The following CDH13 variants were observed in gnomAD, a reference collection of about 807,000 sequenced individuals.
CDH13 encodes the protein cadherin-13.
CDH13 carries 24 observed loss-of-function variants against 63.8 expected under a neutral mutation model. The observed-to-expected ratio is 0.38, with a 90% CI of 0.27 to 0.53. CDH13 has a LOEUF of 0.53. Among genes scored for constraint, CDH13 ranks in the 20% least tolerant of loss-of-function variants. The pLI is 0.85. For synonymous variants in CDH13, 503 were observed against 355.3 expected (o/e 1.42, Z -4.67); for missense variants, 1,049 against 903.1 (o/e 1.16, Z -2.07).
At position 82,905,215 on chromosome 16, in the gene CDH13, A is replaced by T. The variant is rs370035156; in HGVS notation, c.157+46742A>T. Reference sequence around the variant, plus strand: ...GAGCTTGAGAATCGCGATTATATGGATCATCTCTCTCTAGATGGACTTCTT... The same window carrying T: ...GAGCTTGAGAATCGCGATTATATGGTTCATCTCTCTCTAGATGGACTTCTT... On this transcript the variant is annotated intron_variant, in intron 2 of 13. Transcript: ENST00000567109. Among the ~76,000 whole-genome samples, 49 of 152,250 alleles carry T rather than the reference A, an allele frequency of 3.2e-4. No homozygotes were observed. In the East Asian group the frequency reaches 4.4e-3, roughly 14 times the overall value.
chr16:83,509,087 C>G (rs1206999939), intron 7 of CDH13, among the ~76,000 whole-genome samples: 4 of 152,220 alleles, frequency 2.6e-5, no homozygotes, highest in African/African-American at 7.2e-5. Flanking sequence ...TTTCCATAAT[C>G]CCTCTACTCA....
intron 7 of CDH13, among the ~76,000 whole-genome samples, chr16:83,575,233 T>C (rs1366576390): frequency 6.6e-6 from 1 of 152,216 alleles, no homozygotes; most frequent in Non-Finnish European, 1.5e-5. Flanking sequence ...ATGGTGATGG[T>C]GATGGTTGGA....
chr16:83,593,908 CATT>C (rs1907008139), intron 7 of CDH13, among the ~76,000 whole-genome samples: 1 of 152,182 alleles, frequency 6.6e-6, no homozygotes, highest in Admixed American at 6.5e-5. Context: ...AAACGGTACT[CATT>C]ATCTATTGCT....
intron 1 of CDH13, among the ~76,000 whole-genome samples, chr16:82,739,783 G>A (rs756678864): frequency 6.6e-5 from 10 of 152,128 alleles, no homozygotes; most frequent in Non-Finnish European, 1.5e-4. Flanking sequence ...TGAATGGTGA[G>A]ATAAATATAT....
chr16:83,423,082 A>G (rs2071765123), intron 6 of CDH13, among the ~76,000 whole-genome samples: 1 of 152,204 alleles, frequency 6.6e-6, no homozygotes, highest in African/African-American at 2.4e-5. Context: ...ATTTACATGT[A>G]ACAGCAAACT....
intron 1 of CDH13, among the ~76,000 whole-genome samples, chr16:82,719,095 G>T (rs1005494767): frequency 7.2e-5 from 11 of 152,180 alleles, no homozygotes; most frequent in Admixed American, 7.2e-4. Context: ...GCTATGCCAT[G>T]TGAAAGTTAT....
intron 2 of CDH13, among the ~76,000 whole-genome samples, chr16:83,023,986 G>T (rs1915578302): frequency 1.3e-5 from 2 of 152,030 alleles, no homozygotes; most frequent in Non-Finnish European, 2.9e-5. Flanking sequence ...TTTAGATTTT[G>T]CCCTTTCTAG....
Position 83,769,570 on chromosome 16 carries a change from A to T in CDH13, c.1682-10398A>T, listed in dbSNP as rs148661335. Among the ~76,000 whole-genome samples the T allele has an allele frequency of 2.2e-4, 33 of 152,344 alleles. No individual in the cohort carries two copies. In the East Asian group the frequency reaches 4.6e-3, roughly 21 times the overall value. ...AAAGGGGAAGTGAGCAAGGGCAGGA[A>T]GTCCCCCTGCTAGCCTGGTGTCTTA... On this transcript the variant is annotated intron_variant, in intron 11 of 13. Transcript: ENST00000567109.
At chr16:83,254,535 A>G (rs1248438731) in intron 5 of CDH13, among the ~76,000 whole-genome samples, 1 of 152,196 alleles carries the variant, frequency 6.6e-6, no homozygotes, top group African/African-American at 2.4e-5. Context: ...TATGGACAGG[A>G]TCCCCTGTGG....
chr16:83,038,463 C>A (rs550365505), intron 3 of CDH13, among the ~76,000 whole-genome samples: 5 of 152,276 alleles, frequency 3.3e-5, no homozygotes, highest in African/African-American at 1.2e-4. Flanking sequence ...CAGGCTCTGA[C>A]AAATTGTTAT....
chr16:83,783,202 T>C lies in CDH13; in HGVS notation c.1916-52T>C, dbSNP rs1915647980. The C allele has an allele frequency of 2.3e-6, 3 of 1,287,038 alleles. No individual in the cohort carries two copies. In the Admixed American group the frequency reaches 5.7e-5, roughly 24 times the overall value. 79.7% of individuals were successfully genotyped at this position (1,287,038 alleles called of 1,614,324 possible). On this transcript the variant is annotated intron_variant, in intron 12 of 13. Transcript: ENST00000567109. ...CTTTCATCACCAAAACCTCACTCTT[T>C]TATTGGAAAAAGTCTCATCCACTCT...
intron 4 of CDH13, among the ~76,000 whole-genome samples, chr16:83,159,863 C>T (rs967799442): frequency 1.8e-4 from 27 of 151,934 alleles, no homozygotes; most frequent in Non-Finnish European, 3.4e-4. Flanking sequence ...TCACTTGAGG[C>T]CAGGAGTTCA....
At chr16:83,324,025 T>G (rs1442260453) in intron 5 of CDH13, among the ~76,000 whole-genome samples, 1 of 122,112 alleles carries the variant, frequency 8.2e-6, no homozygotes, top group Non-Finnish European at 1.7e-5. Flanking sequence ...CATCACAGGT[T>G]TATTTCTTCT....
intron 10 of CDH13, among the ~76,000 whole-genome samples, chr16:83,734,035 A>G (rs1221955586): frequency 6.6e-6 from 1 of 152,136 alleles, no homozygotes; most frequent in Non-Finnish European, 1.5e-5. Flanking sequence ...TAGTCACCAG[A>G]TTAAACCCCA....
At chr16:83,643,997 A>T (rs895414164) in intron 8 of CDH13, among the ~76,000 whole-genome samples, 1 of 152,164 alleles carries the variant, frequency 6.6e-6, no homozygotes, top group Non-Finnish European at 1.5e-5. Context: ...TTATCTTCAG[A>T]TCTTTAACAT....
At chr16:83,681,651 C>T (rs1310463151) in intron 10 of CDH13, among the ~76,000 whole-genome samples, 3 of 152,116 alleles carry the variant, frequency 2.0e-5, no homozygotes, top group Non-Finnish European at 4.4e-5. Context: ...GTCGGGATAA[C>T]ATCACCGACA....
intron 6 of CDH13, among the ~76,000 whole-genome samples, chr16:83,417,096 T>C (rs139663614): frequency 1.3e-5 from 2 of 152,336 alleles, no homozygotes; most frequent in East Asian, 1.9e-4. Context: ...GCCACTGTTA[T>C]TATTCCTACT....
intron 10 of CDH13, among the ~76,000 whole-genome samples, chr16:83,690,172 C>G (rs1699281878): frequency 6.6e-6 from 1 of 151,692 alleles, no homozygotes; most frequent in Non-Finnish European, 1.5e-5. Context: ...AAAACTCCGT[C>G]TCAAAAAAAA....
intron 7 of CDH13, among the ~76,000 whole-genome samples, chr16:83,497,491 T>C (rs1236362172): frequency 2.5e-5 from 3 of 117,956 alleles, no homozygotes; most frequent in Non-Finnish European, 3.2e-5. Context: ...AAGGGGAATA[T>C]CACACTCTGG....
Sources: gnomAD v4.1 joint callset for allele counts (sites outside exome capture counted in the v4.1 genomes callset) on GRCh38, gnomAD v4.1.1 for gene constraint, MANE v1.5 for transcripts, NCBI Gene and HGNC (gene_info 2026-07-23, HGNC 2026-07-21) for gene names.